Variants in PLCL2 observed in about 807,000 individuals in gnomAD.
PLCL2 encodes inactive phospholipase C-like protein 2.
Under a neutral mutation model 79.6 loss-of-function variants are expected in PLCL2, and 4 were observed. The observed-to-expected ratio is 0.05, with a 90% CI of 0.02 to 0.11. The LOEUF (loss-of-function observed/expected upper bound fraction) is 0.11. Among genes scored for constraint, PLCL2 ranks in the 10% least tolerant of loss-of-function variants. PLCL2 has a pLI of 1.00. For missense variants in PLCL2, 895 were observed against 1,291.0 expected, an observed-to-expected ratio of 0.69 and a Z score of 4.70; for synonymous variants, 484 against 457.7, an observed-to-expected ratio of 1.06 and a Z score of -0.73.
At chr3:17,081,262 C>T (rs988188102) in intron 5 of PLCL2, 5 of 456,540 alleles carry the variant, frequency 1.1e-5, no homozygotes, top group Admixed American at 2.3e-5. Context: ...CCTCCTTCTC[C>T]TCCCTCACAC....
chr3:17,033,024 T>C (rs547393660), intron 3 of PLCL2, among the ~76,000 whole-genome samples: 20 of 152,114 alleles, frequency 1.3e-4, no homozygotes, highest in Non-Finnish European at 2.9e-5. Flanking sequence ...TACCTACAGA[T>C]AAGATGGGAT....
intron 1 of PLCL2, among the ~76,000 whole-genome samples, chr3:16,892,104 A>G (rs1056095704): frequency 1.3e-5 from 2 of 152,242 alleles, no homozygotes; most frequent in Non-Finnish European, 2.9e-5. Context: ...AAATAAGGGG[A>G]CAAGAATGAG....
chr3:17,008,326 T>C (rs1246595938), intron 1 of PLCL2, among the ~76,000 whole-genome samples: 1 of 150,176 alleles, frequency 6.7e-6, no homozygotes, highest in Non-Finnish European at 1.5e-5. Context: ...GTATGAGACT[T>C]TGGAGAGAGG....
intron 1 of PLCL2, among the ~76,000 whole-genome samples, chr3:16,898,743 G>T (rs1330763771): frequency 3.9e-5 from 6 of 152,354 alleles, no homozygotes; most frequent in Admixed American, 2.0e-4. Context: ...ATACAGTTTG[G>T]CAACTCTCAG....
intron 4 of PLCL2, among the ~76,000 whole-genome samples, chr3:17,059,191 A>G (rs1007691861): frequency 9.9e-5 from 15 of 152,168 alleles, no homozygotes; most frequent in African/African-American, 3.1e-4. Flanking sequence ...CATCCTTATA[A>G]TGGAACATTA....
intron 1 of PLCL2, among the ~76,000 whole-genome samples, chr3:16,995,227 T>C (rs955750719): frequency 7.2e-5 from 11 of 152,242 alleles, no homozygotes; most frequent in African/African-American, 2.4e-4. Context: ...TTTAGGGTGT[T>C]AAGGCAGAAA....
At chr3:17,049,561 A>C (rs2064817253) in intron 4 of PLCL2, among the ~76,000 whole-genome samples, 1 of 152,214 alleles carries the variant, frequency 6.6e-6, no homozygotes, top group African/African-American at 2.4e-5. Flanking sequence ...AGGAAATTTA[A>C]AAAGTAATCC....
intron 5 of PLCL2, among the ~76,000 whole-genome samples, chr3:17,084,497 A>G (rs995417695): frequency 6.6e-6 from 1 of 152,234 alleles, no homozygotes; most frequent in African/African-American, 2.4e-5. Context: ...ATAGACCAGT[A>G]TCTCTCATCA....
At chr3:17,015,049 C>A in intron 3 of PLCL2, 138 bp downstream of exon 3, 2 of 667,972 alleles carry the variant, frequency 3.0e-6, no homozygotes, top group East Asian at 5.4e-5. Flanking sequence ...AGAAGTAATT[C>A]CCCTGACCTT....
chr3:16,942,930 C>G (rs746342141), intron 1 of PLCL2, among the ~76,000 whole-genome samples: 5 of 152,146 alleles, frequency 3.3e-5, no homozygotes, highest in Non-Finnish European at 5.9e-5. Flanking sequence ...TTTTCTTTAT[C>G]CCTGTAGGCA....
intron 1 of PLCL2, among the ~76,000 whole-genome samples, chr3:16,959,242 T>C (rs953175528): frequency 1.3e-5 from 2 of 152,154 alleles, no homozygotes; most frequent in African/African-American, 2.4e-5. Context: ...TTTGCTCCCT[T>C]TTACTACAAA....
chr3:16,968,169 A>C (rs1305790991), intron 1 of PLCL2, among the ~76,000 whole-genome samples: 1 of 152,080 alleles, frequency 6.6e-6, no homozygotes, highest in African/African-American at 2.4e-5. Flanking sequence ...GTAGCCTTCC[A>C]GTATAGTTTG....
In PLCL2 at chr3:16,972,410, G is replaced by T. The variant is rs117154721; in HGVS notation, c.328-37264G>T. Among the ~76,000 whole-genome samples, 48 of 152,266 alleles carry T rather than the reference G, an allele frequency of 3.2e-4. No homozygotes were observed. In the East Asian group the frequency reaches 8.5e-3, roughly 27 times the overall value. ...ATTTGCTGAAGTTTGTTTCATGGCT[G>T]ATTTTTGTTGTGTGGTCAGTTTTAG... On this transcript the variant is annotated intron_variant, in intron 1 of 5. Coordinates refer to ENST00000615277, the MANE Select transcript of PLCL2 (RefSeq NM_001144382.2).
intron 1 of PLCL2, among the ~76,000 whole-genome samples, chr3:16,937,206 A>T (rs1045103549): frequency 2.6e-5 from 4 of 152,190 alleles, no homozygotes; most frequent in Non-Finnish European, 5.9e-5. Flanking sequence ...TTTGACTTTT[A>T]TATGGTCTAT....
intron 1 of PLCL2, among the ~76,000 whole-genome samples, chr3:16,980,487 C>T: frequency 6.6e-6 from 1 of 151,076 alleles, no homozygotes. Flanking sequence ...ACGCTCCTCA[C>T]ATCCCGGACG....
intron 3 of PLCL2, among the ~76,000 whole-genome samples, chr3:17,037,314 G>C (rs889365582): frequency 2.0e-5 from 3 of 152,054 alleles, no homozygotes; most frequent in African/African-American, 7.3e-5. Flanking sequence ...ATGGCAGTTT[G>C]GGGGGCATTC....
In PLCL2 at chr3:17,012,125, A is replaced by G. The variant is rs774157865; in HGVS notation, c.2779A>G (p.Ile927Val). The change falls in exon 2 of 6, where the codon ATA becomes GTA. Residue 927 changes from isoleucine to valine, a missense_variant. Ile to Val is a conservative substitution (Grantham distance 29). Transcript: ENST00000615277. ...DEVFKNAQPP[I>V]RDATDLRENM... is the part of the protein sequence containing the mutation. Reference sequence around the variant, plus strand: ...GGTATTCAAGAATGCCCAGCCCCCTATACGGGATGCCACAGATCTGAGAGA... The same window carrying G: ...GGTATTCAAGAATGCCCAGCCCCCTGTACGGGATGCCACAGATCTGAGAGA... 12 of 1,613,700 alleles carry G rather than the reference A, an allele frequency of 7.4e-6. No individual in the cohort carries two copies. Among genetic ancestry groups the G allele is most frequent in the Non-Finnish European group, 1.0e-5 (12 of 1,179,680 alleles).
chr3:16,894,091 ACT>A (rs965429221), intron 1 of PLCL2, among the ~76,000 whole-genome samples: 19 of 151,600 alleles, frequency 1.3e-4, no homozygotes, highest in Non-Finnish European at 2.4e-4. Flanking sequence ...AAGCCATATG[ACT>A]CTCTCCATAT....
intron 1 of PLCL2, among the ~76,000 whole-genome samples, chr3:16,904,490 A>T (rs1023679173): frequency 6.6e-6 from 1 of 152,144 alleles, no homozygotes; most frequent in African/African-American, 2.4e-5. Flanking sequence ...GGTGGCTCTC[A>T]GCCCTTTGAA....
Sources: allele counts gnomAD v4.1 joint callset (sites outside exome capture counted in the v4.1 genomes callset), GRCh38; gene constraint gnomAD v4.1.1; transcripts MANE v1.5; gene names NCBI Gene and HGNC (gene_info 2026-07-23, HGNC 2026-07-21).